Variants in DPP6 observed in about 807,000 individuals in gnomAD.
DPP6 encodes the protein dipeptidyl peptidase like 6.
A neutral mutation model predicts 122.6 loss-of-function variants in DPP6; 69 were observed. That is an observed-to-expected ratio of 0.56 (90% CI 0.46 to 0.69). The LOEUF (loss-of-function observed/expected upper bound fraction) is 0.69, where lower values mean the gene tolerates loss of function less well. Ranked by LOEUF, DPP6 falls within the 30% of genes least tolerant of loss-of-function variation. DPP6 has a pLI of 0.00. For missense variants in DPP6, 928 were observed against 1,116.9 expected (o/e 0.83, Z 2.41); for synonymous variants, 418 against 433.1 (o/e 0.97, Z 0.43).
intron 7 of DPP6, among the ~76,000 whole-genome samples, chr7:154,685,886 T>A (rs1448671830): frequency 6.6e-6 from 1 of 152,212 alleles, no homozygotes; most frequent in Non-Finnish European, 1.5e-5. Flanking sequence ...AATCATTAGG[T>A]GTTTTATGCA....
rs118132752 is a variant in DPP6 at position 153,917,551 on chromosome 7, T to C, written c.51+29817T>C. ...TGAAGGCGTGGAGACTCTCAGGAAG[T>C]TGCTGCCACATTTCTCTCTCTTACA... On this transcript the variant is annotated intron_variant, in intron 1 of 25. Coordinates refer to the DPP6 transcript ENST00000404039. Among the ~76,000 whole-genome samples the C allele has an allele frequency of 9.7e-3, 1,475 of 152,290 alleles. 12 individuals carry two copies. Among genetic ancestry groups the C allele is most frequent in the Non-Finnish European group, 0.017 (1,154 of 68,020 alleles).
intron 15 of DPP6, among the ~76,000 whole-genome samples, chr7:154,806,004 C>T (rs902764537): frequency 6.6e-6 from 1 of 152,198 alleles, no homozygotes; most frequent in East Asian, 1.9e-4. Context: ...TTGGGAAGCC[C>T]CCCTGGTGAA....
the DPP6 span, among the ~76,000 whole-genome samples, chr7:153,768,748 G>A: frequency 6.6e-6 from 1 of 152,138 alleles, no homozygotes; most frequent in African/African-American, 2.4e-5. Context: ...TTCTTTGTCA[G>A]ATATATGCAT....
At chr7:154,658,014 T>G (rs4495380) in intron 6 of DPP6, among the ~76,000 whole-genome samples, 100,529 of 152,006 alleles carry the variant, frequency 0.66, 35,628 homozygotes, top group Non-Finnish European at 0.8. Flanking sequence ...AGATCTGTGC[T>G]TGCCAGGGTT....
At chr7:154,380,744 A>C (rs981597583) in intron 1 of DPP6, among the ~76,000 whole-genome samples, 1 of 152,172 alleles carries the variant, frequency 6.6e-6, no homozygotes, top group Non-Finnish European at 1.5e-5. Context: ...CAGATCCCTC[A>C]TGGTCAGAAG....
intron 1 of DPP6, chr7:154,094,096 T>C (rs984431055): frequency 4.6e-5 from 7 of 152,092 alleles, no homozygotes; most frequent in Non-Finnish European, 7.4e-5. Flanking sequence ...GTATACAAAA[T>C]ATGTATATTG....
chr7:154,373,558 T>G (rs1281005805), intron 1 of DPP6, among the ~76,000 whole-genome samples: 2 of 152,172 alleles, frequency 1.3e-5, no homozygotes, highest in Non-Finnish European at 2.9e-5. Flanking sequence ...TGCAGGTAGA[T>G]TCTAGTTTTT....
intron 1 of DPP6, among the ~76,000 whole-genome samples, chr7:154,234,792 G>A (rs141797788): frequency 6.6e-6 from 1 of 152,256 alleles, no homozygotes; most frequent in East Asian, 1.9e-4. Context: ...AGTATGGGCT[G>A]GGTGGAGATG....
At chr7:154,377,027 T>C (rs558225441) in intron 1 of DPP6, among the ~76,000 whole-genome samples, 5 of 152,216 alleles carry the variant, frequency 3.3e-5, no homozygotes, top group East Asian at 1.9e-4. Flanking sequence ...GTCAAATTAA[T>C]AATAATAATA....
At chr7:154,493,175 G>A (rs1168057042) in intron 3 of DPP6, among the ~76,000 whole-genome samples, 1 of 152,006 alleles carries the variant, frequency 6.6e-6, no homozygotes, top group Non-Finnish European at 1.5e-5. Context: ...CCATGTTTGA[G>A]CTAGAGCCAG....
chr7:154,083,048 G>T (rs1254571557), intron 1 of DPP6, among the ~76,000 whole-genome samples: 2 of 151,662 alleles, frequency 1.3e-5, no homozygotes, highest in African/African-American at 4.8e-5. Flanking sequence ...ACGGGGTTTC[G>T]CTGTGTTAGC....
chr7:154,572,664 C>G, intron 5 of DPP6, among the ~76,000 whole-genome samples: 1 of 148,142 alleles, frequency 6.8e-6, no homozygotes, highest in African/African-American at 2.5e-5. Context: ...TTACAGGCAC[C>G]CGCCACCACA....
chr7:154,744,292 G>T (rs186407724), intron 8 of DPP6, among the ~76,000 whole-genome samples: 2 of 152,192 alleles, frequency 1.3e-5, no homozygotes, highest in African/African-American at 2.4e-5. Flanking sequence ...ACTTGGAGAA[G>T]CCACACGTCA....
intron 21 of DPP6, among the ~76,000 whole-genome samples, chr7:154,882,235 C>G (rs542646146): frequency 6.6e-6 from 1 of 152,144 alleles, no homozygotes; most frequent in African/African-American, 2.4e-5. Context: ...GAAAGGGGAC[C>G]CTGTGCACCT....
intron 3 of DPP6, among the ~76,000 whole-genome samples, chr7:154,540,137 G>C (rs2130245535): frequency 6.6e-6 from 1 of 152,292 alleles, no homozygotes; most frequent in Non-Finnish European, 1.5e-5. Context: ...TTTGCAGGAT[G>C]TGGCTATGGG....
At chr7:153,933,496 C>T (rs758919871) in intron 1 of DPP6, among the ~76,000 whole-genome samples, 1 of 152,180 alleles carries the variant, frequency 6.6e-6, no homozygotes, top group African/African-American at 2.4e-5. Flanking sequence ...AACACTTCTG[C>T]CATCTTAAAT....
intron 1 of DPP6, among the ~76,000 whole-genome samples, chr7:153,951,751 A>G (rs957021536): frequency 6.6e-6 from 1 of 152,178 alleles, no homozygotes; most frequent in South Asian, 2.1e-4. Context: ...CATGATAATC[A>G]AGAAAAACTG....
At chr7:153,799,589 T>C in the DPP6 span, among the ~76,000 whole-genome samples, 2 of 152,194 alleles carry the variant, frequency 1.3e-5, no homozygotes, top group East Asian at 3.9e-4. Flanking sequence ...CTACATTTTA[T>C]AGCCCATAAC....
chr7:153,944,036 A>C (rs1801821460), intron 1 of DPP6, among the ~76,000 whole-genome samples: 1 of 152,162 alleles, frequency 6.6e-6, no homozygotes, highest in Non-Finnish European at 1.5e-5. Flanking sequence ...TGCTGTGTTC[A>C]TGGAAATCGG....
Sources: allele counts gnomAD v4.1 joint callset (sites outside exome capture counted in the v4.1 genomes callset), GRCh38; gene constraint gnomAD v4.1.1; transcripts MANE v1.5; gene names NCBI Gene and HGNC (gene_info 2026-07-23, HGNC 2026-07-21).